Variants in PCDH7 observed in about 807,000 individuals in gnomAD.
PCDH7 encodes the protein protocadherin-7.
Under a neutral mutation model 58.9 loss-of-function variants are expected in PCDH7, and 17 were observed. The observed-to-expected ratio is 0.29, with a 90% CI of 0.20 to 0.43. The LOEUF (loss-of-function observed/expected upper bound fraction) is 0.43, where lower values mean the gene tolerates loss of function less well. PCDH7 is among the 20% of genes least tolerant of loss of function. PCDH7 has a pLI of 1.00. For missense variants in PCDH7, 1,274 were observed against 1,441.0 expected, an observed-to-expected ratio of 0.88 and a Z score of 1.88; for synonymous variants, 664 against 616.4, an observed-to-expected ratio of 1.08 and a Z score of -1.14.
At chr4:30,729,222 C>T (rs1715113808) in intron 1 of PCDH7, among the ~76,000 whole-genome samples, 1 of 151,884 alleles carries the variant, frequency 6.6e-6, no homozygotes, top group African/African-American at 2.4e-5. Flanking sequence ...ATCATACTAC[C>T]TTTGGGGGAA....
At chr4:30,779,113 C>T (rs1270606156) in intron 1 of PCDH7, among the ~76,000 whole-genome samples, 1 of 150,238 alleles carries the variant, frequency 6.7e-6, no homozygotes, top group Non-Finnish European at 1.5e-5. Flanking sequence ...CTTTGCCTCC[C>T]GGGTTGAAGC....
chr4:30,861,307 A>T (rs1166396476), intron 1 of PCDH7, among the ~76,000 whole-genome samples: 1 of 152,128 alleles, frequency 6.6e-6, no homozygotes, highest in African/African-American at 2.4e-5. Flanking sequence ...CTAGTGACAT[A>T]CTGCATGCAG....
intron 3 of PCDH7, among the ~76,000 whole-genome samples, chr4:31,059,951 A>G (rs1300296568): frequency 6.6e-6 from 1 of 151,788 alleles, no homozygotes; most frequent in Non-Finnish European, 1.5e-5. Context: ...AGGCAAAATA[A>G]CTCATAAAAT....
At chr4:30,904,159 T>A (rs1433848715) in intron 1 of PCDH7, among the ~76,000 whole-genome samples, 1 of 152,160 alleles carries the variant, frequency 6.6e-6, no homozygotes, top group East Asian at 1.9e-4. Flanking sequence ...ACCTACTATA[T>A]AAGTTTTCTA....
chr4:31,119,034 T>C (rs1409797809), intron 3 of PCDH7, among the ~76,000 whole-genome samples: 1 of 152,132 alleles, frequency 6.6e-6, no homozygotes, highest in African/African-American at 2.4e-5. Flanking sequence ...ATTTTTTTTT[T>C]CCTAATGCAG....
At chr4:30,769,531 G>T (rs1331938771) in intron 1 of PCDH7, among the ~76,000 whole-genome samples, 1 of 152,030 alleles carries the variant, frequency 6.6e-6, no homozygotes, top group East Asian at 1.9e-4. Flanking sequence ...CCTTTTAATT[G>T]TGCTTGTAGT....
At chr4:31,007,326 T>A (rs1345885652) in intron 3 of PCDH7, among the ~76,000 whole-genome samples, 1 of 152,230 alleles carries the variant, frequency 6.6e-6, no homozygotes, top group Non-Finnish European at 1.5e-5. Context: ...CATACTGTAA[T>A]CAATATTAGA....
intron 3 of PCDH7, among the ~76,000 whole-genome samples, chr4:31,141,984 T>G (rs530400735): frequency 5.9e-5 from 9 of 152,320 alleles, no homozygotes; most frequent in African/African-American, 2.2e-4. Flanking sequence ...ATTTTAAATA[T>G]AAGGTTTTGC....
intron 3 of PCDH7, among the ~76,000 whole-genome samples, chr4:30,989,441 C>T (rs1306322225): frequency 1.3e-5 from 2 of 152,292 alleles, no homozygotes; most frequent in Non-Finnish European, 2.9e-5. Flanking sequence ...GTGCCTGCAG[C>T]GTGCATGTTG....
At chr4:30,925,068 C>T (rs1047644883) in intron 2 of PCDH7, among the ~76,000 whole-genome samples, 1 of 152,068 alleles carries the variant, frequency 6.6e-6, no homozygotes, top group Non-Finnish European at 1.5e-5. Flanking sequence ...TCCAAACTTC[C>T]TTACTTTGTC....
chr4:31,056,615 GTGAA>G lies in PCDH7; in HGVS notation c.*8-85857_*8-85854del, dbSNP rs1486887920. ...GAAGGAAGGAAAGGAGAGAGAGAGA[GTGAA>G]AGACAGAGAGAGAGAGGAGAGAGAG... On this transcript the variant is annotated intron_variant, in intron 3 of 3. Coordinates refer to the PCDH7 transcript ENST00000509759. Among the ~76,000 whole-genome samples, 33 of 147,972 alleles carry G rather than the reference GTGAA, an allele frequency of 2.2e-4. No homozygotes were observed. The East Asian group carries it at 4.9e-3, about 22-fold the overall frequency.
At chr4:31,080,569 A>T (rs1759415802) in intron 3 of PCDH7, among the ~76,000 whole-genome samples, 1 of 152,170 alleles carries the variant, frequency 6.6e-6, no homozygotes, top group South Asian at 2.1e-4. Context: ...TTACCTATTG[A>T]TAATTAGAGT....
chr4:31,133,355 G>A lies in PCDH7; in HGVS notation c.*8-9118G>A, dbSNP rs79784648. The stretch of plus-strand genomic sequence containing the variant: ...CAAATTATTAAAGTATATAATTCCC[G>A]AGCAAGTAATTTTGAATATAGGAAA... On this transcript the variant is annotated intron_variant, in intron 3 of 3. Transcript: ENST00000509759. 7.8e-3 allele frequency among the ~76,000 whole-genome samples: 1,186 copies of A among 152,190 alleles called. 19 individuals are homozygous for A. Among genetic ancestry groups the A allele is most frequent in the African/African-American group, 0.027 (1,116 of 41,520 alleles).
Position 30,750,290 on chromosome 4 carries a change from T to C in PCDH7, c.70+25694T>C, listed in dbSNP as rs112198455. On this transcript the variant is annotated intron_variant, in intron 1 of 3. Coordinates refer to the PCDH7 transcript ENST00000509759. Reference sequence around the variant, plus strand: ...TGGAAATCCTGTTTCTTTTCTCTCTTTTTAGTATGGGCTAGCAATTTCTCA... The same window carrying C: ...TGGAAATCCTGTTTCTTTTCTCTCTCTTTAGTATGGGCTAGCAATTTCTCA... Among the ~76,000 whole-genome samples, 19 of 152,276 alleles carry C rather than the reference T, an allele frequency of 1.2e-4. 1 individual carries two copies. The highest frequency in any genetic ancestry group is 3.8e-4 in the African/African-American group (16 of 41,564).
intron 3 of PCDH7, among the ~76,000 whole-genome samples, chr4:30,961,004 G>T (rs1748363186): frequency 6.6e-6 from 1 of 152,162 alleles, no homozygotes. Context: ...TGTGAATTAT[G>T]AAGAAAAGAC....
At chr4:30,837,233 G>A (rs1730593881) in intron 1 of PCDH7, among the ~76,000 whole-genome samples, 1 of 152,026 alleles carries the variant, frequency 6.6e-6, no homozygotes, top group South Asian at 2.1e-4. Context: ...CGGGCTAAGG[G>A]CTTTGTTCCT....
At chr4:30,809,664 C>A (rs369729656) in intron 1 of PCDH7, among the ~76,000 whole-genome samples, 1 of 152,192 alleles carries the variant, frequency 6.6e-6, no homozygotes, top group East Asian at 1.9e-4. Context: ...TCCAGCCCTA[C>A]GTCATTCTGA....
chr4:30,866,230 G>A (rs1011909343), intron 1 of PCDH7, among the ~76,000 whole-genome samples: 1 of 152,006 alleles, frequency 6.6e-6, no homozygotes, highest in African/African-American at 2.4e-5. Flanking sequence ...TTACATGTTG[G>A]TAATGAGGGG....
At chr4:30,905,717 C>T (rs919160645) in intron 1 of PCDH7, among the ~76,000 whole-genome samples, 1 of 152,212 alleles carries the variant, frequency 6.6e-6, no homozygotes, top group East Asian at 1.9e-4. Flanking sequence ...CTCCCTCTGT[C>T]TTCCTGTCTT....
Sources: gnomAD v4.1 joint callset for allele counts (sites outside exome capture counted in the v4.1 genomes callset) on GRCh38, gnomAD v4.1.1 for gene constraint, MANE v1.5 for transcripts, NCBI Gene and HGNC (gene_info 2026-07-23, HGNC 2026-07-21) for gene names.